Variants in EBF2 observed in about 807,000 individuals in gnomAD.
EBF2 encodes transcription factor COE2.
Under a neutral mutation model 72.8 loss-of-function variants are expected in EBF2, and 21 were observed. That is an observed-to-expected ratio of 0.29 (90% confidence interval 0.20 to 0.42). The LOEUF (loss-of-function observed/expected upper bound fraction) is 0.42, where lower values mean the gene tolerates loss of function less well. Among genes scored for constraint, EBF2 ranks in the 10% least tolerant of loss-of-function variants. The pLI, the probability that EBF2 is intolerant of heterozygous loss-of-function variation, is 1.00. For missense variants in EBF2, 637 were observed against 731.2 expected (o/e 0.87, Z 1.49); for synonymous variants, 299 against 274.2 (o/e 1.09, Z -0.89).
At chr8:25,881,460 A>G (rs905717959) in intron 10 of EBF2, among the ~76,000 whole-genome samples, 7 of 152,012 alleles carry the variant, frequency 4.6e-5, no homozygotes, top group African/African-American at 1.7e-4. Context: ...ATCCTAAACA[A>G]CTCCTTTTAG....
chr8:26,020,572 A>G (rs1258112220), intron 6 of EBF2, among the ~76,000 whole-genome samples: 1 of 152,200 alleles, frequency 6.6e-6, no homozygotes, highest in Non-Finnish European at 1.5e-5. Flanking sequence ...AGGGCAATGG[A>G]TAGAAAGCAA....
At chr8:25,898,392 G>C (rs1802891617) in intron 7 of EBF2, among the ~76,000 whole-genome samples, 1 of 151,388 alleles carries the variant, frequency 6.6e-6, no homozygotes, top group South Asian at 2.1e-4. Context: ...TTTGGCTTTA[G>C]AGTAAACACC....
At chr8:25,884,190 C>A (rs1802650842) in intron 10 of EBF2, among the ~76,000 whole-genome samples, 1 of 152,166 alleles carries the variant, frequency 6.6e-6, no homozygotes, top group African/African-American at 2.4e-5. Context: ...CATTCTTGCT[C>A]TTCCCCAACA....
intron 7 of EBF2, among the ~76,000 whole-genome samples, chr8:25,898,637 C>T (rs1386698880): frequency 2.0e-5 from 3 of 152,102 alleles, no homozygotes; most frequent in Non-Finnish European, 4.4e-5. Context: ...TGGTTACGGT[C>T]AAGGGCAATA....
At chr8:25,920,916 G>A (rs1329076576) in intron 6 of EBF2, among the ~76,000 whole-genome samples, 2 of 152,044 alleles carry the variant, frequency 1.3e-5, no homozygotes, top group Non-Finnish European at 2.9e-5. Context: ...CCTAAAAGTT[G>A]GTGGGGGTGG....
chr8:25,886,951 A>G (rs1802699964), intron 9 of EBF2, 70 bp from the exon 10 acceptor site: 2 of 1,533,436 alleles, frequency 1.3e-6, no homozygotes, highest in Non-Finnish European at 1.8e-6. Context: ...TAAGGTGTAC[A>G]ACATCTCCCA....
intron 10 of EBF2, among the ~76,000 whole-genome samples, chr8:25,878,387 T>A (rs1351340703): frequency 6.6e-6 from 1 of 152,166 alleles, no homozygotes; most frequent in Non-Finnish European, 1.5e-5. Context: ...TTTCTCCTCC[T>A]AGGGAAGAGG....
intron 6 of EBF2, among the ~76,000 whole-genome samples, chr8:25,912,354 A>G (rs1426895237): frequency 6.6e-6 from 1 of 152,068 alleles, no homozygotes; most frequent in Non-Finnish European, 1.5e-5. Context: ...AGCTGGGTGA[A>G]TATACTAGAA....
At chr8:25,875,235 C>T (rs1802503525) in intron 10 of EBF2, among the ~76,000 whole-genome samples, 1 of 152,196 alleles carries the variant, frequency 6.6e-6, no homozygotes, top group African/African-American at 2.4e-5. Context: ...TATCCTCCCA[C>T]CAGATGCTTA....
rs1193197409 is a variant in EBF2 at position 25,927,081 on chromosome 8, C to T, written c.552-18526G>A. Among the ~76,000 whole-genome samples, 3 of 152,032 alleles carry T rather than the reference C, an allele frequency of 2.0e-5. No individual in the cohort carries two copies. In the East Asian group the frequency reaches 5.8e-4, roughly 29 times the overall value. ...AGGTACATCTACAAACTGGTTGACT[C>T]TAAGTAGAGGGATTACCCTTGATAA... On this transcript the variant is annotated intron_variant, in intron 6 of 15. Transcript: ENST00000520164.
chr8:25,891,376 T>C (rs1362590891), intron 7 of EBF2, among the ~76,000 whole-genome samples: 5 of 151,734 alleles, frequency 3.3e-5, no homozygotes, highest in Non-Finnish European at 5.9e-5. Flanking sequence ...GCCATTATTA[T>C]TGAGAAAAAA....
At position 25,861,357 on chromosome 8, in the gene EBF2, T is replaced by G; in HGVS notation, c.1116A>C (p.Arg372Ser). Residue 372 changes from arginine (R) to serine (S), a missense_variant, in exon 12 of 16, where the codon AGA (arginine) becomes AGC (serine). Arg to Ser is a moderately radical substitution (Grantham distance 110). Around this residue, in one of 3 missense-constraint regions of EBF2, gnomAD observed 259 missense variants for 268.1 expected, o/e 0.97. Coordinates refer to ENST00000520164, the MANE Select transcript of EBF2 (RefSeq NM_022659.4). ...ERLAKEMLLKRAADLVEALYG... is the reference protein window; with the variant it reads ...ERLAKEMLLKSAADLVEALYG... ...AAAGAGCTTCCACTAGATCTGCAGC[T>G]CTTTTCAACAGCATCTCCTGGAAAA... 1 of 1,614,216 alleles carries G rather than the reference T, an allele frequency of 6.2e-7. No individual in the cohort carries two copies. Among genetic ancestry groups the G allele is most frequent in the Non-Finnish European group, 8.5e-7 (1 of 1,180,036 alleles).
intron 6 of EBF2, among the ~76,000 whole-genome samples, chr8:26,018,925 T>C (rs1290209772): frequency 3.1e-4 from 30 of 97,706 alleles, no homozygotes; most frequent in African/African-American, 8.3e-5. Context: ...GTGGGATCCA[T>C]GGCAATAAAA....
Position 25,886,801 on chromosome 8 carries a change from T to C in EBF2, c.963A>G (p.Lys321=). Residue 321 remains lysine, a synonymous_variant, in exon 10 of 16, where the codon AAA becomes AAG. Transcript: ENST00000520164. ...PGVVEVTLSY[K]SKQFCKGAPG... is the part of the protein sequence containing the mutation. ...GGGCTCCTTTGCAGAACTGTTTAGA[T>C]TTATAAGATAATGTCACCTCTACCA... 1 of 1,613,324 alleles carries C rather than the reference T, an allele frequency of 6.2e-7. No individual in the cohort carries two copies. The highest frequency in any genetic ancestry group is 8.5e-7 in the Non-Finnish European group (1 of 1,179,610).
chr8:25,952,095 C>A (rs142242734), intron 6 of EBF2, among the ~76,000 whole-genome samples: 51 of 152,242 alleles, frequency 3.3e-4, no homozygotes, highest in African/African-American at 1.1e-3. Flanking sequence ...GAGTTCCAGG[C>A]CAGCCTGGGC....
At chr8:26,040,563 T>TG in intron 4 of EBF2, 53 bp downstream of exon 4, 2 of 1,450,118 alleles carry the variant, frequency 1.4e-6, no homozygotes, top group Non-Finnish European at 1.8e-6. Flanking sequence ...CTGGGGGGTT[T>TG]GGGGGTCGGG....
At chr8:25,899,541 T>G (rs1802915213) in intron 7 of EBF2, among the ~76,000 whole-genome samples, 1 of 152,196 alleles carries the variant, frequency 6.6e-6, no homozygotes, top group Non-Finnish European at 1.5e-5. Flanking sequence ...CGTTTCCCTC[T>G]CCAACGGGTG....
At chr8:25,968,733 T>C (rs183349008) in intron 6 of EBF2, among the ~76,000 whole-genome samples, 1 of 152,328 alleles carries the variant, frequency 6.6e-6, no homozygotes, top group East Asian at 1.9e-4. Context: ...AATTTTTGTA[T>C]TTTTAGTAGA....
chr8:25,873,412 T>C (rs1457956766), intron 10 of EBF2, among the ~76,000 whole-genome samples: 2 of 152,230 alleles, frequency 1.3e-5, no homozygotes, highest in Non-Finnish European at 2.9e-5. Context: ...AAGTCAAGGC[T>C]GTTGAATTAA....
Sources: gnomAD v4.1 joint callset for allele counts (sites outside exome capture counted in the v4.1 genomes callset) on GRCh38, gnomAD v4.1.1 for gene constraint, gnomAD v4.1.1 regional missense constraint, MANE v1.5 for transcripts, NCBI Gene and HGNC (gene_info 2026-07-23, HGNC 2026-07-21) for gene names.